CADM2: variants seen among roughly 807,000 people sequenced by gnomAD.
CADM2 encodes cell adhesion molecule 2, also known as immunoglobulin superfamily member 4D.
A neutral mutation model predicts 49.8 loss-of-function variants in CADM2; 12 were observed. That is an observed-to-expected ratio of 0.24 (90% CI 0.15 to 0.39). The LOEUF (loss-of-function observed/expected upper bound fraction) is 0.39, where lower values mean the gene tolerates loss of function less well. CADM2 is among the 10% of genes least tolerant of loss of function. CADM2 has a pLI of 1.00. For synonymous variants in CADM2, 214 were observed against 175.4 expected, an observed-to-expected ratio of 1.22 and a Z score of -1.74; for missense variants, 378 against 492.3, an observed-to-expected ratio of 0.77 and a Z score of 2.20.
At chr3:85,428,884 GAAACTT>G (rs2036544262) in intron 1 of CADM2, among the ~76,000 whole-genome samples, 1 of 151,540 alleles carries the variant, frequency 6.6e-6, no homozygotes, top group Non-Finnish European at 1.5e-5. Context: ...AGTCACTACG[GAAACTT>G]AATCAAGGAA....
At chr3:85,057,532 T>G (rs903601912) in intron 1 of CADM2, among the ~76,000 whole-genome samples, 1 of 152,164 alleles carries the variant, frequency 6.6e-6, no homozygotes, top group African/African-American at 2.4e-5. Flanking sequence ...AGTTACTATT[T>G]AAATATAGAA....
intron 3 of CADM2, among the ~76,000 whole-genome samples, chr3:85,839,046 A>G (rs954779304): frequency 1.3e-5 from 2 of 151,754 alleles, no homozygotes; most frequent in African/African-American, 4.8e-5. Context: ...CCTCTCTTTA[A>G]CATATGCTTG....
At chr3:85,417,495 T>C (rs943306820) in intron 1 of CADM2, among the ~76,000 whole-genome samples, 1 of 152,136 alleles carries the variant, frequency 6.6e-6, no homozygotes, top group Non-Finnish European at 1.5e-5. Context: ...CAAGACCTAA[T>C]CAAATGTAGG....
chr3:86,024,491 A>C (rs1161534790), intron 8 of CADM2, among the ~76,000 whole-genome samples: 1 of 152,204 alleles, frequency 6.6e-6, no homozygotes, highest in African/African-American at 2.4e-5. Flanking sequence ...CTTCAGGTAC[A>C]AGTTGAAATT....
chr3:85,266,908 G>A (rs941128839), intron 1 of CADM2, among the ~76,000 whole-genome samples: 2 of 151,852 alleles, frequency 1.3e-5, no homozygotes, highest in African/African-American at 4.8e-5. Context: ...TTCATCAGCA[G>A]TCAACAGCAG....
At chr3:86,040,076 C>G (rs56275782) in intron 8 of CADM2, among the ~76,000 whole-genome samples, 2,219 of 152,226 alleles carry the variant, frequency 0.015, 50 homozygotes, top group African/African-American at 0.051. Context: ...ACCGAAACCC[C>G]ATCTGTATGT....
intron 1 of CADM2, among the ~76,000 whole-genome samples, chr3:85,277,472 A>G (rs1201705744): frequency 6.6e-6 from 1 of 151,378 alleles, no homozygotes; most frequent in Non-Finnish European, 1.5e-5. Flanking sequence ...CATGTTTCTA[A>G]TCATAACTTC....
intron 1 of CADM2, among the ~76,000 whole-genome samples, chr3:85,206,475 T>G (rs923794921): frequency 2.0e-5 from 3 of 151,806 alleles, no homozygotes; most frequent in Middle Eastern, 3.4e-3. Context: ...GCCCGGCTAA[T>G]TTTTTGTATT....
intron 1 of CADM2, among the ~76,000 whole-genome samples, chr3:85,551,344 G>T (rs1193349159): frequency 6.6e-6 from 1 of 152,082 alleles, no homozygotes; most frequent in Admixed American, 6.6e-5. Flanking sequence ...TATTAATCTT[G>T]TGGCTGCAAG....
intron 1 of CADM2, among the ~76,000 whole-genome samples, chr3:85,373,224 A>G (rs1046772058): frequency 1.3e-5 from 2 of 152,174 alleles, no homozygotes; most frequent in Non-Finnish European, 2.9e-5. Flanking sequence ...GGCATTGGTA[A>G]ATACACCCAT....
chr3:85,200,995 C>A (rs916695751), intron 1 of CADM2, among the ~76,000 whole-genome samples: 2 of 152,120 alleles, frequency 1.3e-5, no homozygotes, highest in Non-Finnish European at 2.9e-5. Flanking sequence ...TTAAATAGAC[C>A]TTTTCTTATC....
intron 1 of CADM2, among the ~76,000 whole-genome samples, chr3:85,210,376 A>T (rs1382898046): frequency 2.0e-5 from 3 of 152,110 alleles, no homozygotes; most frequent in Non-Finnish European, 2.9e-5. Flanking sequence ...ACAATCAGCT[A>T]GCATTTTATT....
intron 1 of CADM2, among the ~76,000 whole-genome samples, chr3:85,415,841 A>T (rs1377477380): frequency 6.6e-6 from 1 of 152,156 alleles, no homozygotes; most frequent in Non-Finnish European, 1.5e-5. Flanking sequence ...AGCATCATGC[A>T]TAAATATATT....
chr3:85,827,479 A>G (rs2073972114), intron 3 of CADM2, among the ~76,000 whole-genome samples: 1 of 151,996 alleles, frequency 6.6e-6, no homozygotes, highest in East Asian at 1.9e-4. Context: ...TAACTTGACA[A>G]GGAAATTATA....
chr3:85,042,245 A>G (rs1294352976), intron 1 of CADM2, among the ~76,000 whole-genome samples: 1 of 152,162 alleles, frequency 6.6e-6, no homozygotes, highest in Non-Finnish European at 1.5e-5. Flanking sequence ...CTTTTTGAGA[A>G]CAACAGCTTC....
chr3:84,999,126 G>A (rs2033325888), intron 1 of CADM2, among the ~76,000 whole-genome samples: 1 of 152,054 alleles, frequency 6.6e-6, no homozygotes, highest in Non-Finnish European at 1.5e-5. Context: ...CTTCCCAATT[G>A]CAACACTTTT....
chr3:85,323,481 G>C (rs1471530487), intron 1 of CADM2, among the ~76,000 whole-genome samples: 1 of 152,044 alleles, frequency 6.6e-6, no homozygotes, highest in East Asian at 1.9e-4. Context: ...TTGTGTCATA[G>C]CTGTCACCGC....
chr3:86,032,806 A>G (rs556040088), intron 8 of CADM2, among the ~76,000 whole-genome samples: 4 of 152,080 alleles, frequency 2.6e-5, no homozygotes, highest in Non-Finnish European at 5.9e-5. Context: ...CTATTTGCAT[A>G]GTTACCTAAA....
intron 6 of CADM2, among the ~76,000 whole-genome samples, chr3:85,923,671 A>AT (rs1371793319): frequency 2.0e-5 from 3 of 152,172 alleles, no homozygotes; most frequent in Non-Finnish European, 2.9e-5. Context: ...GCACATAAGG[A>AT]TTAGGTAACA....
Sources: allele counts gnomAD v4.1 joint callset (sites outside exome capture counted in the v4.1 genomes callset), GRCh38; gene constraint gnomAD v4.1.1; transcripts MANE v1.5; gene names NCBI Gene and HGNC (gene_info 2026-07-23, HGNC 2026-07-21).